DCDC2C: variants seen among roughly 807,000 people sequenced by gnomAD.
DCDC2C encodes doublecortin domain-containing protein 2C.
DCDC2C carries 44 observed loss-of-function variants against 45.0 expected under a neutral mutation model. That is an observed-to-expected ratio of 0.98 (90% CI 0.77 to 1.26). DCDC2C has a LOEUF of 1.26. DCDC2C is among the 50% of genes most tolerant of loss of function. The pLI is 0.00. For missense variants in DCDC2C, 447 were observed against 468.9 expected (o/e 0.95, Z 0.43); for synonymous variants, 187 against 178.8 (o/e 1.05, Z -0.37).
chr2:3,824,145 C>A (rs542191475), intron 10 of DCDC2C, among the ~76,000 whole-genome samples: 1 of 152,318 alleles, frequency 6.6e-6, no homozygotes, highest in African/African-American at 2.4e-5. Flanking sequence ...TTGATAGTTC[C>A]AGGATGTGGA....
At chr2:3,771,540 C>G (rs990142883) in intron 8 of DCDC2C, among the ~76,000 whole-genome samples, 1 of 152,202 alleles carries the variant, frequency 6.6e-6, no homozygotes, top group African/African-American at 2.4e-5. Flanking sequence ...TATGTATAAG[C>G]TTTTGGTTAA....
intron 2 of DCDC2C, among the ~76,000 whole-genome samples, chr2:3,713,572 C>A (rs1668276195): frequency 6.6e-6 from 1 of 152,196 alleles, no homozygotes. Flanking sequence ...ATGTGCAGCC[C>A]TTCCTGCACT....
intron 2 of DCDC2C, among the ~76,000 whole-genome samples, chr2:3,722,877 A>G (rs1361186016): frequency 6.6e-6 from 1 of 152,246 alleles, no homozygotes; most frequent in African/African-American, 2.4e-5. Flanking sequence ...CTGTATTTTA[A>G]TAGAATTTTG....
chr2:3,782,511 C>T (rs1410221883), intron 9 of DCDC2C, among the ~76,000 whole-genome samples: 3 of 148,932 alleles, frequency 2.0e-5, no homozygotes, highest in Non-Finnish European at 4.4e-5. Flanking sequence ...CGAAGTCTTG[C>T]TCTGTTGCCC....
intron 8 of DCDC2C, among the ~76,000 whole-genome samples, chr2:3,776,777 A>G (rs1339242768): frequency 1.3e-5 from 2 of 152,218 alleles, no homozygotes; most frequent in Non-Finnish European, 2.9e-5. Flanking sequence ...CCTCCTGTAG[A>G]TGTCCTAAGA....
At chr2:3,706,519 C>G (rs1198692406) in intron 1 of DCDC2C, among the ~76,000 whole-genome samples, 2 of 151,464 alleles carry the variant, frequency 1.3e-5, no homozygotes, top group Non-Finnish European at 2.9e-5. Context: ...AAATCTAAAT[C>G]AGGGTGTTGT....
chr2:3,838,452 C>CAGAGAGAGAGAGAGAGAGAGAGAG (rs61141962), intron 10 of DCDC2C, among the ~76,000 whole-genome samples: 1 of 112,378 alleles, frequency 8.9e-6, no homozygotes, highest in Non-Finnish European at 2.0e-5. Context: ...AGGATCATGA[C>CAGAGAGAGAGAGAGAGAGAGAGAG]AGAGAGAGAG....
chr2:3,714,786 G>A (rs1368470843), intron 2 of DCDC2C, among the ~76,000 whole-genome samples: 1 of 152,224 alleles, frequency 6.6e-6, no homozygotes, highest in Non-Finnish European at 1.5e-5. Flanking sequence ...AGCTTAGGCT[G>A]CAGTACTTTG....
intron 10 of DCDC2C, among the ~76,000 whole-genome samples, chr2:3,789,432 C>T (rs768220088): frequency 2.0e-5 from 3 of 152,218 alleles, no homozygotes; most frequent in Non-Finnish European, 2.9e-5. Context: ...TGATCTTTCA[C>T]TCTTTTTCTA....
At chr2:3,778,991 C>A in intron 9 of DCDC2C, 107 bp downstream of exon 9, 1 of 1,138,238 alleles carries the variant, frequency 8.8e-7, no homozygotes, top group Non-Finnish European at 1.3e-6. Flanking sequence ...AAGTCGCTTC[C>A]AAAACACAAG....
intron 10 of DCDC2C, among the ~76,000 whole-genome samples, chr2:3,787,659 T>C (rs1434279218): frequency 6.6e-6 from 1 of 152,244 alleles, no homozygotes; most frequent in Non-Finnish European, 1.5e-5. Flanking sequence ...CTATAAACAA[T>C]TTATGTTGGT....
Position 3,734,560 on chromosome 2 carries a change from C to T in DCDC2C, c.417-7360C>T, listed in dbSNP as rs544362290. On this transcript the variant is annotated intron_variant, in intron 3 of 10. Transcript: ENST00000399143. This position sits in a 1 kb window ranked among gnomAD's most constrained non-coding sequence, Gnocchi z 4.2. The stretch of plus-strand genomic sequence containing the variant: ...ATTTCGTAAGAGGGAAGTTTAGCCA[C>T]AGAGAAATGCTGTGTTCTCATTAAG... 4.6e-5 allele frequency among the ~76,000 whole-genome samples: 7 copies of T among 152,260 alleles called. No individual in the cohort carries two copies. In the East Asian group the frequency reaches 5.8e-4, roughly 13 times the overall value.
chr2:3,749,661 C>T (rs889859258), intron 4 of DCDC2C, among the ~76,000 whole-genome samples: 7 of 152,296 alleles, frequency 4.6e-5, no homozygotes, highest in South Asian at 2.1e-4. Context: ...GTTCCTCCAG[C>T]GTGTGGGCGG....
At chr2:3,799,039 G>T (rs1339578782) in intron 10 of DCDC2C, among the ~76,000 whole-genome samples, 2 of 152,154 alleles carry the variant, frequency 1.3e-5, no homozygotes, top group African/African-American at 4.8e-5. Context: ...TTTTCACATA[G>T]TCGCATATTT....
At chr2:3,838,977 G>A (rs533487808) in intron 10 of DCDC2C, among the ~76,000 whole-genome samples, 8 of 152,178 alleles carry the variant, frequency 5.3e-5, no homozygotes, top group Admixed American at 3.3e-4. Flanking sequence ...TTTCTATGAT[G>A]AGCATGTTTG....
chr2:3,710,122 T>C (rs1668167398), intron 2 of DCDC2C, among the ~76,000 whole-genome samples: 1 of 152,204 alleles, frequency 6.6e-6, no homozygotes, highest in African/African-American at 2.4e-5. Flanking sequence ...TCAAAAATAC[T>C]GTGCAGAAAA....
intron 2 of DCDC2C, among the ~76,000 whole-genome samples, chr2:3,715,045 C>T (rs1668314621): frequency 6.6e-6 from 1 of 152,206 alleles, no homozygotes; most frequent in Admixed American, 6.5e-5. Context: ...ATGCTTTTGA[C>T]ATGTACACAT....
chr2:3,767,972 C>T (rs1462315766), intron 7 of DCDC2C, 92 bp downstream of exon 7: 13 of 1,263,776 alleles, frequency 1.0e-5, no homozygotes, highest in Non-Finnish European at 1.4e-5. Flanking sequence ...ATCTTATACT[C>T]CAGAAATATT....
chr2:3,783,842 C>T (rs1670577878), intron 9 of DCDC2C, among the ~76,000 whole-genome samples: 2 of 152,240 alleles, frequency 1.3e-5, no homozygotes, highest in Admixed American at 6.5e-5. Flanking sequence ...TAATTATCTC[C>T]AAAGCCTTAG....
Sources: allele counts gnomAD v4.1 joint callset (sites outside exome capture counted in the v4.1 genomes callset), GRCh38; gene constraint gnomAD v4.1.1; non-coding constraint Gnocchi (gnomAD v3.1); transcripts MANE v1.5; gene names NCBI Gene and HGNC (gene_info 2026-07-23, HGNC 2026-07-21).